IPO8: variants seen among roughly 807,000 people sequenced by gnomAD.
The protein encoded by IPO8 is importin-8.
In IPO8, 65 loss-of-function variants were observed where a neutral mutation model predicts 141.2. That is an observed-to-expected ratio of 0.46 (90% CI 0.38 to 0.57). The LOEUF (loss-of-function observed/expected upper bound fraction) is 0.57, where lower values mean the gene tolerates loss of function less well. IPO8 is among the 20% of genes least tolerant of loss of function. IPO8 has a pLI of 0.00. For synonymous variants in IPO8, 411 were observed against 420.3 expected, an observed-to-expected ratio of 0.98 and a Z score of 0.27; for missense variants, 980 against 1,246.8, an observed-to-expected ratio of 0.79 and a Z score of 3.22.
At chr12:30,667,847 C>T (rs919539946) in intron 10 of IPO8, among the ~76,000 whole-genome samples, 3 of 152,142 alleles carry the variant, frequency 2.0e-5, no homozygotes, top group Non-Finnish European at 4.4e-5. Flanking sequence ...ATACTCTGTA[C>T]ATCACAAAAA....
chr12:30,647,941 C>T (rs539284148), intron 20 of IPO8, among the ~76,000 whole-genome samples: 1 of 152,164 alleles, frequency 6.6e-6, no homozygotes, highest in South Asian at 2.1e-4. Context: ...TGAGACACTA[C>T]TTCACAAATG....
At chr12:30,691,090 T>C (rs1487913603) in intron 1 of IPO8, among the ~76,000 whole-genome samples, 1 of 152,198 alleles carries the variant, frequency 6.6e-6, no homozygotes, top group East Asian at 1.9e-4. Flanking sequence ...AAAATCTCAA[T>C]CTTTTATTTG....
intron 21 of IPO8, among the ~76,000 whole-genome samples, chr12:30,638,275 A>G (rs544905857): frequency 1.3e-4 from 20 of 152,370 alleles, no homozygotes; most frequent in Admixed American, 1.0e-3. Flanking sequence ...TAACTTTAAC[A>G]ACAATTTCTT....
At chr12:30,681,103 T>C (rs10219608) in intron 4 of IPO8, among the ~76,000 whole-genome samples, 2,412 of 152,272 alleles carry the variant, frequency 0.016, 61 homozygotes, top group African/African-American at 0.055. Flanking sequence ...AAATCTAAAA[T>C]ATGTTCTATA....
intron 10 of IPO8, among the ~76,000 whole-genome samples, chr12:30,666,641 T>C (rs1327100576): frequency 3.3e-5 from 5 of 152,166 alleles, no homozygotes; most frequent in African/African-American, 4.8e-5. Context: ...TCACGGAGCT[T>C]ATGTCGTGAA....
Position 30,636,898 on chromosome 12 carries a change from G to A in IPO8, c.2695+84C>T, listed in dbSNP as rs2052509485. ...GCCGAAGAATGTAAATCTGTTTAAT[G>A]TCTCCATATAGACTAGTATTCATAT... is the stretch of plus-strand genomic sequence containing the variant. On this transcript the variant is annotated intron_variant, in intron 22 of 24. Coordinates refer to ENST00000256079, the MANE Select transcript of IPO8 (RefSeq NM_006390.4). 7 of 1,130,074 alleles carry A rather than the reference G, an allele frequency of 6.2e-6. No homozygotes were observed. The South Asian group carries it at 6.8e-5, about 11-fold the overall frequency. The allele number at this position is 1,130,074 out of a possible 1,614,324, so 70.0% of individuals were successfully genotyped here. A position where few individuals can be genotyped will look rare whatever the true frequency, so the allele number is the denominator to read the frequency against.
chr12:30,649,450 T>C (rs1175958564), intron 19 of IPO8, among the ~76,000 whole-genome samples: 1 of 152,142 alleles, frequency 6.6e-6, no homozygotes, highest in African/African-American at 2.4e-5. Context: ...TGACCTTGGA[T>C]TAATAAAGTA....
At chr12:30,667,052 C>T (rs1049461931) in intron 10 of IPO8, among the ~76,000 whole-genome samples, 2 of 152,182 alleles carry the variant, frequency 1.3e-5, no homozygotes, top group Non-Finnish European at 2.9e-5. Context: ...TGAGAGGTAT[C>T]TGATAAGTCC....
At position 30,639,653 on chromosome 12, in the gene IPO8, T is replaced by C; in HGVS notation, c.2351A>G (p.Gln784Arg). ...KTSELRTMCL[Q>R]VAIAALYYNP... is the part of the protein sequence containing the mutation. ...GTAGTACAAGGCAGCAATTGCAACC[T>C]GAAGACACATAGTACGAAGCTCACT... Residue 784 changes from glutamine to arginine, a missense_variant, in exon 21 of 25, where the codon CAG becomes CGG. Transcript: ENST00000256079. 3 of 1,614,100 alleles carry C rather than the reference T, an allele frequency of 1.9e-6. No individual in the cohort carries two copies. Among genetic ancestry groups the C allele is most frequent in the Non-Finnish European group, 1.7e-6 (2 of 1,179,992 alleles).
At chr12:30,687,170 T>A (rs1395417531) in intron 2 of IPO8, among the ~76,000 whole-genome samples, 1 of 152,216 alleles carries the variant, frequency 6.6e-6, no homozygotes, top group Non-Finnish European at 1.5e-5. Context: ...TTAAATTTAC[T>A]GTATCTGTCT....
At chr12:30,653,121 T>C (rs764571798) in intron 17 of IPO8, 29 bp from the exon 18 acceptor site, 1 of 1,597,804 alleles carries the variant, frequency 6.3e-7, no homozygotes, top group Admixed American at 1.7e-5. Flanking sequence ...CTAGTTAGAA[T>C]GCTAGGAAAT....
At chr12:30,661,631 C>CA (rs781548096) in intron 15 of IPO8, among the ~76,000 whole-genome samples, 3 of 142,200 alleles carry the variant, frequency 2.1e-5, no homozygotes, top group Non-Finnish European at 4.6e-5. Flanking sequence ...AAAAAACAGA[C>CA]ATGGAAAACA....
Position 30,695,704 on chromosome 12 carries a change from T to C in IPO8, c.-57A>G, listed in dbSNP as rs2053333225. On this transcript the variant is annotated 5_prime_UTR_variant, in exon 1 of 25. Coordinates refer to ENST00000256079, the MANE Select transcript of IPO8 (RefSeq NM_006390.4). This position sits in a 1 kb window ranked among gnomAD's most constrained non-coding sequence, Gnocchi z 4.2. ...ACAGTAGGCCGGACTGCAGCTTTAGTTTTCTTTTGACCCTCTCAGCCTCCT... is the reference window on the plus strand; with the variant it reads ...ACAGTAGGCCGGACTGCAGCTTTAGCTTTCTTTTGACCCTCTCAGCCTCCT... 7 of 1,520,652 alleles carry C rather than the reference T, an allele frequency of 4.6e-6. No homozygotes were observed. The highest frequency in any genetic ancestry group is 2.3e-5 in the East Asian group (1 of 42,788). The allele number at this position is 1,520,652 out of a possible 1,614,324, so 94.2% of individuals were successfully genotyped here.
rs772356007 is a variant in IPO8, at chr12:30,649,198, C to G, written c.2207G>C (p.Cys736Ser). The change falls in exon 20 of 25, where the codon TGT becomes TCT. Residue 736 changes from cysteine (C) to serine (S), a missense_variant. Transcript: ENST00000256079. ...GACTTCCAGAAGTTTAGCTGCATGA[C>G]ACTCTGCATCTTCTCCTGCATCTCC... ...LCGDAGEDAE[C>S]HAAKLLEVII... 5 of 1,613,126 alleles carry G rather than the reference C, an allele frequency of 3.1e-6. No individual in the cohort carries two copies. Among genetic ancestry groups the G allele is most frequent in the African/African-American group, 1.3e-5 (1 of 74,892 alleles).
intron 16 of IPO8, among the ~76,000 whole-genome samples, chr12:30,659,801 G>C (rs1333108415): frequency 6.8e-6 from 1 of 147,088 alleles, no homozygotes; most frequent in Non-Finnish European, 1.5e-5. Flanking sequence ...CTTGCAGTGA[G>C]CAGAAACTGA....
intron 5 of IPO8, among the ~76,000 whole-genome samples, chr12:30,677,525 T>C (rs1268526528): frequency 6.6e-6 from 1 of 152,094 alleles, no homozygotes; most frequent in East Asian, 1.9e-4. Flanking sequence ...CAGCCTCTGG[T>C]AGGTCTTTCA....
chr12:30,692,244 T>C (rs2053297486), intron 1 of IPO8, among the ~76,000 whole-genome samples: 1 of 152,258 alleles, frequency 6.6e-6, no homozygotes, highest in South Asian at 2.1e-4. Flanking sequence ...AAATAAATGC[T>C]ACTTATTTGA....
chr12:30,633,163 C>T (rs1318450162), intron 23 of IPO8, among the ~76,000 whole-genome samples: 1 of 152,124 alleles, frequency 6.6e-6, no homozygotes, highest in Non-Finnish European at 1.5e-5. Context: ...TCAATAAGAA[C>T]ATCTAGGTAG....
At position 30,680,688 on chromosome 12, in the gene IPO8, A is replaced by T. The variant is rs536966964; in HGVS notation, c.483-50T>A. 3.4e-5 allele frequency: 48 copies of T among 1,396,866 alleles called. 1 individual carries two copies. In the South Asian group the frequency reaches 5.2e-4, roughly 15 times the overall value. The allele number at this position is 1,396,866 out of a possible 1,614,324, so 86.5% of individuals were successfully genotyped here. On this transcript the variant is annotated intron_variant, in intron 4 of 24. Transcript: ENST00000256079. The stretch of plus-strand genomic sequence containing the variant: ...AAAAGTAATTTTTCCCACCCAAAGA[A>T]CCATCAACAATAAATTATAAAATAT...
Sources: allele counts gnomAD v4.1 joint callset (sites outside exome capture counted in the v4.1 genomes callset), GRCh38; gene constraint gnomAD v4.1.1; non-coding constraint Gnocchi (gnomAD v3.1); transcripts MANE v1.5; gene names NCBI Gene and HGNC (gene_info 2026-07-23, HGNC 2026-07-21).